NRG3: variants seen among roughly 807,000 people sequenced by gnomAD.
NRG3 encodes neuregulin 3, also known as pro-neuregulin-3, membrane-bound isoform.
Under a neutral mutation model 66.9 loss-of-function variants are expected in NRG3, and 31 were observed. That is an observed-to-expected ratio of 0.46 (90% CI 0.35 to 0.63). The LOEUF is 0.63. Ranked by LOEUF, NRG3 falls within the 20% of genes least tolerant of loss-of-function variation. The pLI, the probability that NRG3 is intolerant of heterozygous loss-of-function variation, is 0.00. For synonymous variants in NRG3, 393 were observed against 359.4 expected (o/e 1.09, Z -1.06); for missense variants, 910 against 878.9 (o/e 1.04, Z -0.45).
intron 2 of NRG3, among the ~76,000 whole-genome samples, chr10:82,719,020 T>A (rs1310198061): frequency 2.6e-5 from 4 of 152,212 alleles, no homozygotes; most frequent in Non-Finnish European, 5.9e-5. Context: ...AAAACGTTTA[T>A]GAGCTTTATA....
chr10:82,013,943 T>C (rs2061683009), intron 1 of NRG3, among the ~76,000 whole-genome samples: 1 of 152,202 alleles, frequency 6.6e-6, no homozygotes, highest in African/African-American at 2.4e-5. Flanking sequence ...GTATTGGTGA[T>C]GTGCAAGTCA....
chr10:82,529,743 G>A (rs1304068682), intron 2 of NRG3, among the ~76,000 whole-genome samples: 1 of 152,060 alleles, frequency 6.6e-6, no homozygotes, highest in African/African-American at 2.4e-5. Flanking sequence ...AGAAACACCA[G>A]CATCTACTTA....
At chr10:82,619,261 G>A (rs536513716) in intron 2 of NRG3, among the ~76,000 whole-genome samples, 1 of 152,146 alleles carries the variant, frequency 6.6e-6, no homozygotes, top group African/African-American at 2.4e-5. Flanking sequence ...TTGAAATCTG[G>A]CACCATTATG....
intron 1 of NRG3, among the ~76,000 whole-genome samples, chr10:82,266,413 G>A (rs2078298960): frequency 6.6e-6 from 1 of 152,126 alleles, no homozygotes; most frequent in South Asian, 2.1e-4. Context: ...AGTCCAGTGG[G>A]CCTACATTTG....
chr10:82,985,270 T>A lies in NRG3; in HGVS notation c.1756T>A (p.Cys586Ser). The A allele has an allele frequency of 6.2e-7, 1 of 1,614,170 alleles. No individual in the cohort carries two copies. Among genetic ancestry groups the A allele is most frequent in the Non-Finnish European group, 8.5e-7 (1 of 1,180,006 alleles). ...CCCTTCAGTGGGTTTAGAGGAAACC[T>A]GCCTGCAAATGCCAGGGATTTCTGA... ...IIPSVGLEETCLQMPGISEVK... is the reference protein window; with the variant it reads ...IIPSVGLEETSLQMPGISEVK... The change falls in exon 9 of 9, where the codon TGC (cysteine) becomes AGC (serine). Residue 586 changes from cysteine (C) to serine (S), a missense_variant. Physicochemically the swap from Cys to Ser is moderately radical, Grantham distance 112. Transcript: ENST00000372141.
At chr10:82,435,784 T>C (rs536913731) in intron 2 of NRG3, among the ~76,000 whole-genome samples, 356 of 142,280 alleles carry the variant, frequency 2.5e-3, no homozygotes, top group African/African-American at 3.5e-3. Context: ...CTTTTCTTTT[T>C]TTTTTTTTTT....
At chr10:82,201,161 G>A (rs373395822) in intron 1 of NRG3, among the ~76,000 whole-genome samples, 14 of 141,018 alleles carry the variant, frequency 9.9e-5, no homozygotes, top group East Asian at 2.1e-4. Flanking sequence ...TCGCACCAGC[G>A]CACTCCAGCC....
intron 1 of NRG3, among the ~76,000 whole-genome samples, chr10:81,930,428 A>G (rs781150377): frequency 6.6e-6 from 1 of 152,060 alleles, no homozygotes; most frequent in Non-Finnish European, 1.5e-5. Flanking sequence ...ATGAAGAGAC[A>G]CACAGGGCAG....
At chr10:82,488,943 G>T (rs189969944) in intron 2 of NRG3, among the ~76,000 whole-genome samples, 2 of 152,206 alleles carry the variant, frequency 1.3e-5, no homozygotes, top group Non-Finnish European at 2.9e-5. Context: ...TTTCAGTTGG[G>T]ATCACTTTTG....
intron 3 of NRG3, among the ~76,000 whole-genome samples, chr10:82,850,155 C>CT (rs2063495281): frequency 6.6e-6 from 1 of 152,124 alleles, no homozygotes; most frequent in Non-Finnish European, 1.5e-5. Flanking sequence ...GACAAGTTTT[C>CT]TAGAGGATGC....
chr10:82,786,403 G>A (rs2060365808), intron 3 of NRG3, among the ~76,000 whole-genome samples: 1 of 152,116 alleles, frequency 6.6e-6, no homozygotes, highest in South Asian at 2.1e-4. Context: ...GTTGGGTTTA[G>A]TACTGACTTG....
intron 1 of NRG3, among the ~76,000 whole-genome samples, chr10:82,157,932 G>A (rs1193744320): frequency 6.6e-6 from 1 of 151,680 alleles, no homozygotes. Context: ...AAAGGAGAAA[G>A]TAATGTGCAT....
chr10:82,188,951 C>A, intron 1 of NRG3, among the ~76,000 whole-genome samples: 1 of 150,162 alleles, frequency 6.7e-6, no homozygotes, highest in South Asian at 2.1e-4. Flanking sequence ...TTTTGTAGCT[C>A]AAGAATAAAA....
chr10:82,715,362 A>C (rs927910541), intron 2 of NRG3, among the ~76,000 whole-genome samples: 1 of 152,112 alleles, frequency 6.6e-6, no homozygotes, highest in African/African-American at 2.4e-5. Context: ...TCGCCACTGC[A>C]CTCCAACCTG....
At chr10:82,491,293 A>AATATATATATATATATAC (rs1554942718) in intron 2 of NRG3, among the ~76,000 whole-genome samples, 1 of 82,186 alleles carries the variant, frequency 1.2e-5, no homozygotes, top group African/African-American at 3.5e-5. Context: ...GTTCCCATAA[A>AATATATATATATATATAC]ATATATATAT....
chr10:82,011,936 A>C (rs1003616889), intron 1 of NRG3, among the ~76,000 whole-genome samples: 1 of 151,974 alleles, frequency 6.6e-6, no homozygotes, highest in Non-Finnish European at 1.5e-5. Context: ...CTGTCGGTGG[A>C]TCTATCCTTC....
At chr10:82,787,352 C>T (rs2060411581) in intron 3 of NRG3, among the ~76,000 whole-genome samples, 1 of 152,116 alleles carries the variant, frequency 6.6e-6, no homozygotes, top group Admixed American at 6.5e-5. Flanking sequence ...TAACAAAGAG[C>T]CTCTTGAGTG....
chr10:82,188,335 G>A (rs1342510488), intron 1 of NRG3, among the ~76,000 whole-genome samples: 2 of 152,028 alleles, frequency 1.3e-5, no homozygotes, highest in African/African-American at 4.8e-5. Flanking sequence ...TTAAACCTAA[G>A]ACCTCAAACT....
rs1351916520 is a variant in NRG3, at chr10:82,358,754, C to T, written c.839C>T (p.Ser280Phe). The change falls in exon 2 of 9, where the codon TCC becomes TTC. Residue 280 changes from serine to phenylalanine, a missense_variant. Transcript: ENST00000372141. The stretch of plus-strand genomic sequence containing the variant: ...TCCCTGACAGATACGACGACATATT[C>T]CACAGAGCGATCCGAGCACTTCAAA... ...TSPKFHTTTY[S>F]TERSEHFKPC... The T allele has an allele frequency of 1.3e-5, 21 of 1,614,146 alleles. No individual in the cohort carries two copies. The highest frequency in any genetic ancestry group is 1.6e-5 in the Non-Finnish European group (19 of 1,180,002).
Sources: gnomAD v4.1 joint callset for allele counts (sites outside exome capture counted in the v4.1 genomes callset) on GRCh38, gnomAD v4.1.1 for gene constraint, MANE v1.5 for transcripts, NCBI Gene and HGNC (gene_info 2026-07-23, HGNC 2026-07-21) for gene names.